The following CALD1 variants were observed in gnomAD, a reference collection of about 807,000 sequenced individuals.
CALD1 encodes the protein caldesmon 1.
A neutral mutation model predicts 99.9 loss-of-function variants in CALD1; 33 were observed. The ratio of observed to expected loss-of-function variants is 0.33; its 90% CI spans 0.25 to 0.44. The LOEUF is 0.44. Ranked by LOEUF, CALD1 falls within the 20% of genes least tolerant of loss-of-function variation. CALD1 has a pLI of 1.00. For synonymous variants in CALD1, 310 were observed against 325.0 expected (o/e 0.95, Z 0.50); for missense variants, 861 against 962.1 (o/e 0.89, Z 1.39).
intron 1 of CALD1, among the ~76,000 whole-genome samples, chr7:134,841,479 G>T (rs891490445): frequency 3.9e-5 from 6 of 152,056 alleles, no homozygotes; most frequent in Admixed American, 1.3e-4. Flanking sequence ...CCATTTTAAG[G>T]ATTATGTCCT....
At chr7:134,716,029 A>G in the CALD1 span, among the ~76,000 whole-genome samples, 1 of 152,192 alleles carries the variant, frequency 6.6e-6, no homozygotes, top group South Asian at 2.1e-4. Context: ...ACATATGTAT[A>G]CATGTGCCAT....
At chr7:134,766,574 G>T (rs557441686) in intron 1 of CALD1, among the ~76,000 whole-genome samples, 1 of 152,344 alleles carries the variant, frequency 6.6e-6, no homozygotes, top group South Asian at 2.1e-4. Context: ...TGTGTAAGTA[G>T]ATGAGCAGTT....
chr7:134,748,080 C>T (rs1052488510), intron 1 of CALD1, among the ~76,000 whole-genome samples: 2 of 152,258 alleles, frequency 1.3e-5, no homozygotes, highest in African/African-American at 2.4e-5. Context: ...AGGACCTCTG[C>T]CCCAGCACCT....
At chr7:134,851,888 C>A in intron 2 of CALD1, among the ~76,000 whole-genome samples, 1 of 152,178 alleles carries the variant, frequency 6.6e-6, no homozygotes, top group Middle Eastern at 3.2e-3. Flanking sequence ...GAATATGGGG[C>A]AAACAGCACA....
At chr7:134,951,217 G>C (rs1160121275) in intron 9 of CALD1, among the ~76,000 whole-genome samples, 1 of 152,168 alleles carries the variant, frequency 6.6e-6, no homozygotes, top group Non-Finnish European at 1.5e-5. Flanking sequence ...CAAGGACTCA[G>C]TTTCAACATA....
intron 3 of CALD1, among the ~76,000 whole-genome samples, chr7:134,880,211 G>A (rs1336613782): frequency 6.6e-6 from 1 of 152,142 alleles, no homozygotes; most frequent in Non-Finnish European, 1.5e-5. Context: ...CATGCTTCAT[G>A]GGGCTCTCCA....
At chr7:134,847,631 C>G (rs1799906236) in intron 2 of CALD1, among the ~76,000 whole-genome samples, 1 of 152,366 alleles carries the variant, frequency 6.6e-6, no homozygotes, top group East Asian at 1.9e-4. Flanking sequence ...GACATTCCAA[C>G]ACCACCACGT....
At chr7:134,793,134 G>A (rs565525286) in intron 1 of CALD1, among the ~76,000 whole-genome samples, 20 of 152,328 alleles carry the variant, frequency 1.3e-4, no homozygotes, top group African/African-American at 4.8e-4. Context: ...TGCAAGCCAG[G>A]GAGGCAGGCG....
At chr7:134,872,233 T>G (rs1801120950) in intron 3 of CALD1, among the ~76,000 whole-genome samples, 1 of 151,956 alleles carries the variant, frequency 6.6e-6, no homozygotes, top group Non-Finnish European at 1.5e-5. Context: ...GGTGGGTGCC[T>G]GTAATCCCAG....
At chr7:134,928,397 C>A (rs1472544078) in intron 3 of CALD1, among the ~76,000 whole-genome samples, 1 of 139,806 alleles carries the variant, frequency 7.2e-6, no homozygotes, top group African/African-American at 2.7e-5. Flanking sequence ...CTGCTGCACT[C>A]CAGCCCGGGT....
chr7:134,897,474 C>T lies in CALD1; in HGVS notation c.71+29670C>T, dbSNP rs149390683. Among the ~76,000 whole-genome samples the T allele has an allele frequency of 7.4e-3, 1,124 of 151,554 alleles. 10 individuals are homozygous for T. The highest frequency in any genetic ancestry group is 0.014 in the Middle Eastern group (4 of 292). ...ACAAAGTCATCTGATATTTTCTATA[C>T]GATTCTATTTCATTTTAAAACGCTG... On this transcript the variant is annotated intron_variant, in intron 3 of 14. Coordinates refer to ENST00000361675, the MANE Select transcript of CALD1 (RefSeq NM_033138.4).
rs570522198 is a variant in CALD1 at position 134,955,354 on chromosome 7, C to G, written c.1936-2715C>G. On this transcript the variant is annotated intron_variant, in intron 9 of 14. Coordinates refer to ENST00000361675, the MANE Select transcript of CALD1 (RefSeq NM_033138.4). Reference sequence around the variant, plus strand: ...AGTGAGCCGAGATTCCACCACTGCACTCCATCCTGGCAACAGAGTGAGACT... The same window carrying G: ...AGTGAGCCGAGATTCCACCACTGCAGTCCATCCTGGCAACAGAGTGAGACT... Among the ~76,000 whole-genome samples, 22 of 152,320 alleles carry G rather than the reference C, an allele frequency of 1.4e-4. No homozygotes were observed. The South Asian group carries it at 2.7e-3, about 19-fold the overall frequency.
chr7:134,904,108 A>G (rs1426349653), intron 3 of CALD1, among the ~76,000 whole-genome samples: 3 of 152,054 alleles, frequency 2.0e-5, no homozygotes, highest in Non-Finnish European at 4.4e-5. Context: ...CTGTAATCCC[A>G]GCTACTCGGG....
At chr7:134,835,959 A>C (rs1799418432) in intron 1 of CALD1, among the ~76,000 whole-genome samples, 1 of 152,018 alleles carries the variant, frequency 6.6e-6, no homozygotes. Flanking sequence ...AGCCTGGCCA[A>C]CATGGTGAAA....
chr7:134,736,273 C>T, the CALD1 span, among the ~76,000 whole-genome samples: 1 of 151,580 alleles, frequency 6.6e-6, no homozygotes, highest in African/African-American at 2.4e-5. Flanking sequence ...GGATGACATT[C>T]AAAAATCTCA....
intron 1 of CALD1, among the ~76,000 whole-genome samples, chr7:134,832,777 C>CT: frequency 6.6e-6 from 1 of 152,250 alleles, no homozygotes; most frequent in Admixed American, 6.5e-5. Context: ...AAGGTTTTTC[C>CT]TTTTTTTGGT....
intron 2 of CALD1, among the ~76,000 whole-genome samples, chr7:134,859,038 T>C (rs1200534867): frequency 1.3e-5 from 2 of 152,262 alleles, no homozygotes; most frequent in Admixed American, 6.5e-5. Context: ...TTATTTTCAA[T>C]TTAAATGACC....
chr7:134,929,872 T>C (rs1396106067), intron 4 of CALD1, among the ~76,000 whole-genome samples: 1 of 151,276 alleles, frequency 6.6e-6, no homozygotes, highest in Non-Finnish European at 1.5e-5. Flanking sequence ...AAGGAATCTA[T>C]ACTGTTTTCT....
intron 1 of CALD1, among the ~76,000 whole-genome samples, chr7:134,837,837 TA>T (rs1799506498): frequency 1.3e-5 from 2 of 152,236 alleles, no homozygotes. Context: ...ATCCTCATTT[TA>T]AAATTGAAGT....
Sources: allele counts gnomAD v4.1 joint callset (sites outside exome capture counted in the v4.1 genomes callset), GRCh38; gene constraint gnomAD v4.1.1; transcripts MANE v1.5; gene names NCBI Gene and HGNC (gene_info 2026-07-23, HGNC 2026-07-21).